The following MXD3 variants were observed in gnomAD, a reference collection of about 807,000 sequenced individuals.
MXD3 encodes the protein MAX dimerization protein 3, also known as Max-associated protein 3.
A neutral mutation model predicts 27.5 loss-of-function variants in MXD3; 20 were observed. That is an observed-to-expected ratio of 0.73 (90% confidence interval 0.51 to 1.06). MXD3 has a LOEUF of 1.06. Among genes scored for constraint, MXD3 ranks in the 50% least tolerant of loss-of-function variants. MXD3 has a pLI of 0.00. For missense variants in MXD3, 298 were observed against 291.3 expected, an observed-to-expected ratio of 1.02 and a Z score of -0.17; for synonymous variants, 150 against 130.7, an observed-to-expected ratio of 1.15 and a Z score of -1.01.
intron 4 of MXD3, among the ~76,000 whole-genome samples, chr5:177,309,525 A>C (rs1389538610): frequency 1.3e-5 from 2 of 152,202 alleles, no homozygotes; most frequent in African/African-American, 4.8e-5. Context: ...AGCCACAATG[A>C]TGGTAATAAC....
chr5:177,307,294 AAG>A lies in MXD3; in HGVS notation c.*292_*293del. On this transcript the variant is annotated 3_prime_UTR_variant, in exon 6 of 6. Coordinates refer to ENST00000439742, the MANE Select transcript of MXD3 (RefSeq NM_031300.4). ...CCTTGTCCAGGAAGGGAAGAGGCCC[AAG>A]AGGCTTCCTGTCCCCTTGGGGGCAG... 1 of 1,550,296 alleles carries A rather than the reference AAG, an allele frequency of 6.5e-7. No homozygotes were observed. The highest frequency in any genetic ancestry group is 8.7e-7 in the Non-Finnish European group (1 of 1,146,010).
intron 4 of MXD3, among the ~76,000 whole-genome samples, 178 bp downstream of exon 4, chr5:177,310,248 T>C (rs1462665644): frequency 4.6e-5 from 7 of 152,242 alleles, no homozygotes; most frequent in Admixed American, 3.9e-4. Flanking sequence ...CTCTGAGTTA[T>C]TGTCTGCTTT....
At chr5:177,312,258 C>T (rs187673910), upstream of MXD3, 532 of 986,956 alleles carry the variant, frequency 5.4e-4, 1 homozygote, top group African/African-American at 8.7e-3. Flanking sequence ...CCCCTGAAAG[C>T]GCCGGGCCCA....
At chr5:177,308,403 C>T (rs1760948380) in intron 4 of MXD3, among the ~76,000 whole-genome samples, 1 of 151,590 alleles carries the variant, frequency 6.6e-6, no homozygotes. Context: ...AACAGAGTCT[C>T]GCTCTGTCGC....
Position 177,307,792 on chromosome 5 carries a change from T to G in MXD3, c.494A>C (p.Asp165Ala). Reference sequence around the variant, plus strand: ...CTCGGGGCACTCACCTTGGTCTGAGTCTGAGCGCTCAGAGGAGAGGCCTGA... The same window carrying G: ...CTCGGGGCACTCACCTTGGTCTGAGGCTGAGCGCTCAGAGGAGAGGCCTGA... ...DSSGLSSERS[D>A]SDQEELEVDV... Residue 165 changes from aspartate to alanine, a missense_variant, in exon 5 of 6, where the codon GAC becomes GCC. By Grantham distance (126) the Asp-to-Ala change is moderately radical (BLOSUM62 -2). Coordinates refer to ENST00000439742, the MANE Select transcript of MXD3 (RefSeq NM_031300.4). 2 of 1,613,016 alleles carry G rather than the reference T, an allele frequency of 1.2e-6. No individual in the cohort carries two copies.
At chr5:177,311,975 G>C (rs1013134186), upstream of MXD3, 3 of 1,318,066 alleles carry the variant, frequency 2.3e-6, no homozygotes, top group African/African-American at 4.6e-5. Context: ...GGAACGCCCA[G>C]CCCTTGGCTC....
In MXD3 at chr5:177,311,415, C is replaced by T; in HGVS notation, c.140G>A (p.Arg47Gln). ...SPGPIHRRKKRPPQAPGAQDS... is the reference protein window; with the variant it reads ...SPGPIHRRKKQPPQAPGAQDS... The stretch of plus-strand genomic sequence containing the variant: ...CTGCGCGCCAGGAGCCTGGGGGGGT[C>T]GCTTCTTCCTCCTGTGGATGGGGCC... The change falls in exon 2 of 6, where the codon CGA (arginine) becomes CAA (glutamine). Residue 47 changes from arginine (R) to glutamine (Q), a missense_variant. Transcript: ENST00000439742. 8 of 1,434,086 alleles carry T rather than the reference C, an allele frequency of 5.6e-6. No individual in the cohort carries two copies. Among genetic ancestry groups the T allele is most frequent in the Non-Finnish European group, 7.3e-6 (8 of 1,100,156 alleles). The allele number at this position is 1,434,086 out of a possible 1,614,324, so 88.8% of individuals were successfully genotyped here. A position where few individuals can be genotyped will look rare whatever the true frequency, so the allele number is the denominator to read the frequency against.
At chr5:177,306,370 AG>A, downstream of MXD3, 1 of 1,612,120 alleles carries the variant, frequency 6.2e-7, no homozygotes, top group East Asian at 2.2e-5. Flanking sequence ...GAGGGAAATT[AG>A]GTTGGTCTTT....
chr5:177,311,070 G>C, intron 2 of MXD3: 1 of 538,166 alleles, frequency 1.9e-6, no homozygotes, highest in South Asian at 2.5e-5. Flanking sequence ...GGGGAGAGGA[G>C]AGAAGAGGAG....
chr5:177,306,257 G>T, downstream of MXD3: 1 of 1,564,812 alleles, frequency 6.4e-7, no homozygotes, highest in Non-Finnish European at 8.8e-7. Context: ...GTTAGTCATT[G>T]CCCTGCTCTG....
upstream of MXD3, chr5:177,312,726 C>T (rs1761066331): frequency 3.0e-6 from 3 of 985,516 alleles, no homozygotes; most frequent in Non-Finnish European, 3.6e-6. Flanking sequence ...TCAGGCAGGC[C>T]ATACCCTGGA....
At chr5:177,312,477 A>C (rs1443783572), upstream of MXD3, 6 of 985,306 alleles carry the variant, frequency 6.1e-6, no homozygotes, top group Non-Finnish European at 7.2e-6. Context: ...TGAAAACCCA[A>C]GCGATGGGGC....
Position 177,307,773 on chromosome 5 carries a change from GCA to G in MXD3, c.505+6_505+7del. On this transcript the variant is annotated splice_donor_region_variant and intron_variant, in intron 5 of 5. Transcript: ENST00000439742. ...GGCCACACAACCCCTCAGCCTCGGG[GCA>G]CTCACCTTGGTCTGAGTCTGAGCGC... The G allele has an allele frequency of 6.2e-7, 1 of 1,613,106 alleles. No homozygotes were observed. Among genetic ancestry groups the G allele is most frequent in the South Asian group, 1.1e-5 (1 of 91,058 alleles).
At chr5:177,311,942 GC>G, upstream of MXD3, 2 of 1,252,656 alleles carry the variant, frequency 1.6e-6, no homozygotes, top group South Asian at 1.7e-5. Context: ...GGCCCGCCCC[GC>G]CCCCGGGACG....
Position 177,307,702 on chromosome 5 carries a change from C to T in MXD3, c.507G>A (p.Glu169=). The change falls in exon 6 of 6, where the codon GAG becomes GAA. Residue 169 remains glutamate, a splice_region_variant and synonymous_variant. Coordinates refer to ENST00000439742, the MANE Select transcript of MXD3 (RefSeq NM_031300.4). ...GGCTCTCCACATCCACCTCCAGCTC[C>T]TCTGCGCGGGGAGGGGTCCGGTCAG... ...LSSERSDSDQ[E]ELEVDVESLV... 1 of 1,613,800 alleles carries T rather than the reference C, an allele frequency of 6.2e-7. No individual in the cohort carries two copies. Among genetic ancestry groups the T allele is most frequent in the African/African-American group, 1.3e-5 (1 of 75,056 alleles).
chr5:177,311,473 C>A lies in MXD3; in HGVS notation c.82G>T (p.Gly28Cys), dbSNP rs1201446029. 2 of 1,432,070 alleles carry A rather than the reference C, an allele frequency of 1.4e-6. No homozygotes were observed. Among genetic ancestry groups the A allele is most frequent in the Non-Finnish European group, 1.8e-6 (2 of 1,094,780 alleles). 88.7% of individuals were successfully genotyped at this position (1,432,070 alleles called of 1,614,324 possible). The change falls in exon 2 of 6, where the codon GGT becomes TGT. Residue 28 changes from glycine (G) to cysteine (C), a missense_variant. Transcript: ENST00000439742. ...CGATGCGGGCACAGGGACGCATAAC[C>A]ATGCTCGGCCTCTGCCAGAGAGAGT... ...LERREREAEHGYASLCPHRSP... is the reference protein window; with the variant it reads ...LERREREAEHCYASLCPHRSP...
upstream of MXD3, chr5:177,311,919 CAACA>C (rs1761049768): frequency 3.4e-6 from 5 of 1,466,046 alleles, no homozygotes; most frequent in Non-Finnish European, 2.7e-6. Flanking sequence ...TGACACGGTG[CAACA>C]AACACAGGGG....
chr5:177,309,867 C>T (rs1167306999), intron 4 of MXD3, among the ~76,000 whole-genome samples: 4 of 152,250 alleles, frequency 2.6e-5, no homozygotes, highest in Non-Finnish European at 5.9e-5. Context: ...CTCCTGTCCA[C>T]CAGGGGGCAC....
At position 177,310,568 on chromosome 5, in the gene MXD3, G is replaced by A. The variant is rs774200692; in HGVS notation, c.207-28C>T. ...GTGGGGAAGAGGTCTGGAGGGCAGTGCCAGCCCCACCTTGCCGGCCACAGG... is the reference window on the plus strand; with the variant it reads ...GTGGGGAAGAGGTCTGGAGGGCAGTACCAGCCCCACCTTGCCGGCCACAGG... On this transcript the variant is annotated intron_variant, in intron 3 of 5. Transcript: ENST00000439742. 12 of 1,610,844 alleles carry A rather than the reference G, an allele frequency of 7.4e-6. No homozygotes were observed. In the East Asian group the frequency reaches 2.7e-4, roughly 36 times the overall value.
Sources: gnomAD v4.1 joint callset for allele counts (sites outside exome capture counted in the v4.1 genomes callset) on GRCh38, gnomAD v4.1.1 for gene constraint, MANE v1.5 for transcripts, NCBI Gene and HGNC (gene_info 2026-07-23, HGNC 2026-07-21) for gene names.